Variants in CRISPLD2 observed in about 807,000 individuals in gnomAD.
CRISPLD2 encodes cysteine-rich secretory protein LCCL domain-containing 2.
In CRISPLD2, 47 loss-of-function variants were observed where a neutral mutation model predicts 71.1. That is an observed-to-expected ratio of 0.66 (90% CI 0.52 to 0.84). CRISPLD2 has a LOEUF of 0.84. Among genes scored for constraint, CRISPLD2 ranks in the 40% least tolerant of loss-of-function variants. CRISPLD2 has a pLI of 0.00. For synonymous variants in CRISPLD2, 317 were observed against 250.1 expected (o/e 1.27, Z -2.52); for missense variants, 830 against 651.1 (o/e 1.27, Z -2.99).
At chr16:84,829,545 A>G (rs1322096679) in intron 1 of CRISPLD2, among the ~76,000 whole-genome samples, 2 of 152,146 alleles carry the variant, frequency 1.3e-5, no homozygotes, top group Non-Finnish European at 2.9e-5. Flanking sequence ...GAGGAAGGGT[A>G]GAGCCTAGAG....
At chr16:84,903,157 C>T (rs2071770350) in intron 14 of CRISPLD2, among the ~76,000 whole-genome samples, 1 of 152,134 alleles carries the variant, frequency 6.6e-6, no homozygotes, top group Non-Finnish European at 1.5e-5. Flanking sequence ...TTGGGCCTAG[C>T]CCAGTCCAAA....
chr16:84,905,187 C>T (rs1024048503), intron 14 of CRISPLD2, among the ~76,000 whole-genome samples: 85 of 152,212 alleles, frequency 5.6e-4, no homozygotes, highest in African/African-American at 4.3e-4. Flanking sequence ...GGATCGCTTG[C>T]ACTCAGGAGG....
At chr16:84,860,602 G>T (rs757057277) in intron 6 of CRISPLD2, among the ~76,000 whole-genome samples, 9 of 152,150 alleles carry the variant, frequency 5.9e-5, no homozygotes, top group Non-Finnish European at 1.3e-4. Flanking sequence ...AGCGTGGGTC[G>T]GGGAGGAGAC....
At chr16:84,895,735 G>T (rs11863289) in intron 14 of CRISPLD2, among the ~76,000 whole-genome samples, 2 of 152,268 alleles carry the variant, frequency 1.3e-5, no homozygotes, top group Admixed American at 1.3e-4. Flanking sequence ...TCACTTTGAA[G>T]GGAGGGCAAG....
intron 14 of CRISPLD2, among the ~76,000 whole-genome samples, chr16:84,899,195 G>A (rs2071732155): frequency 6.6e-6 from 1 of 152,114 alleles, no homozygotes. Flanking sequence ...CCGCCTGAGG[G>A]ATTTTCAATA....
intron 8 of CRISPLD2, among the ~76,000 whole-genome samples, chr16:84,871,010 G>C (rs139232158): frequency 4.9e-4 from 74 of 152,276 alleles, no homozygotes; most frequent in Middle Eastern, 6.8e-3. Flanking sequence ...ATGAGCCGAG[G>C]TGTACTGGTG....
In CRISPLD2 at chr16:84,907,568, A is replaced by T. The variant is rs1373962304; in HGVS notation, c.*926A>T. On this transcript the variant is annotated 3_prime_UTR_variant, in exon 15 of 15. Coordinates refer to ENST00000262424, the MANE Select transcript of CRISPLD2 (RefSeq NM_031476.4). ...CCCAAGTCTTAACTCCTGGTCTCGT[A>T]AGGTTCCACTGAGACGAGATGTCTG... 6.6e-6 allele frequency: 1 copy of T among 152,220 alleles called. No individual in the cohort carries two copies. Among genetic ancestry groups the T allele is most frequent in the Admixed American group, 6.5e-5 (1 of 15,288 alleles). 9.4% of individuals were successfully genotyped at this position (152,220 alleles called of 1,614,324 possible).
At chr16:84,834,877 C>G (rs770055674) in intron 1 of CRISPLD2, among the ~76,000 whole-genome samples, 1 of 152,006 alleles carries the variant, frequency 6.6e-6, no homozygotes, top group African/African-American at 2.4e-5. Flanking sequence ...TGGTTAGGGC[C>G]CAACCTCATG....
At chr16:84,849,570 C>A in intron 4 of CRISPLD2, 53 bp downstream of exon 4, 2 of 1,559,584 alleles carry the variant, frequency 1.3e-6, no homozygotes, top group Admixed American at 3.6e-5. Flanking sequence ...CCCAGTCATT[C>A]ACCCCCTGCC....
At chr16:84,834,136 TG>T (rs1302327233) in intron 1 of CRISPLD2, among the ~76,000 whole-genome samples, 2 of 152,202 alleles carry the variant, frequency 1.3e-5, no homozygotes, top group African/African-American at 4.8e-5. Context: ...CCTCCTCATC[TG>T]TAGAGTGGGA....
At chr16:84,854,000 C>T (rs1384263569) in intron 5 of CRISPLD2, among the ~76,000 whole-genome samples, 2 of 152,220 alleles carry the variant, frequency 1.3e-5, no homozygotes, top group Non-Finnish European at 2.9e-5. Flanking sequence ...GCCTATGGTG[C>T]GGCCTCCAGT....
chr16:84,845,966 C>G (rs1916904302), intron 3 of CRISPLD2, 62 bp downstream of exon 3: 10 of 1,038,048 alleles, frequency 9.6e-6, no homozygotes, highest in Non-Finnish European at 1.3e-5. Context: ...CCGGGCTCAG[C>G]ACTTGTGCCC....
intron 1 of CRISPLD2, among the ~76,000 whole-genome samples, chr16:84,833,131 G>C (rs1003381189): frequency 2.6e-5 from 4 of 152,126 alleles, no homozygotes; most frequent in Non-Finnish European, 4.4e-5. Flanking sequence ...TGTAAAATGG[G>C]GCTGAAAACA....
chr16:84,885,301 C>G (rs1391045408), intron 13 of CRISPLD2, among the ~76,000 whole-genome samples: 3 of 152,244 alleles, frequency 2.0e-5, no homozygotes, highest in Admixed American at 1.3e-4. Flanking sequence ...GAAATGGTCG[C>G]TTCATCTTAA....
chr16:84,885,362 T>G (rs2143332650), intron 13 of CRISPLD2, among the ~76,000 whole-genome samples: 1 of 152,362 alleles, frequency 6.6e-6, no homozygotes, highest in South Asian at 2.1e-4. Flanking sequence ...CTCCTTAGTC[T>G]TTAGCAGGGC....
At chr16:84,842,978 C>T (rs1019164206) in intron 2 of CRISPLD2, among the ~76,000 whole-genome samples, 3 of 152,202 alleles carry the variant, frequency 2.0e-5, no homozygotes, top group Non-Finnish European at 4.4e-5. Flanking sequence ...CTTGTCCCTG[C>T]ACTGTGTGGT....
rs372363505 is a variant in CRISPLD2, at chr16:84,849,452, C to A, written c.427C>A (p.Pro143Thr). ...DEVKDYTYPY[P>T]SECNPWCPER... ...GGTGAAGGACTACACCTACCCCTAC[C>A]CGAGCGAGTGCAACCCCTGGTGTCC... is the stretch of plus-strand genomic sequence containing the variant. Residue 143 changes from proline to threonine, a missense_variant, in exon 4 of 15, where the codon CCG (proline) becomes ACG (threonine). Transcript: ENST00000262424. The A allele has an allele frequency of 3.7e-6, 6 of 1,614,000 alleles. No homozygotes were observed. Among genetic ancestry groups the A allele is most frequent in the Non-Finnish European group, 3.4e-6 (4 of 1,179,986 alleles).
At chr16:84,822,411 A>G (rs370237450) in intron 1 of CRISPLD2, among the ~76,000 whole-genome samples, 22 of 152,332 alleles carry the variant, frequency 1.4e-4, no homozygotes, top group Admixed American at 7.8e-4. Context: ...TGGAGGTCAG[A>G]AAGTTTTTGG....
intron 2 of CRISPLD2, among the ~76,000 whole-genome samples, chr16:84,840,360 A>G (rs1395883291): frequency 6.6e-6 from 1 of 152,198 alleles, no homozygotes; most frequent in Non-Finnish European, 1.5e-5. Context: ...CAGAAGAGAA[A>G]ACTGAGGCTC....
Sources: allele counts gnomAD v4.1 joint callset (sites outside exome capture counted in the v4.1 genomes callset), GRCh38; gene constraint gnomAD v4.1.1; transcripts MANE v1.5; gene names NCBI Gene and HGNC (gene_info 2026-07-23, HGNC 2026-07-21).